STK32B: variants seen among roughly 807,000 people sequenced by gnomAD.
STK32B encodes serine/threonine kinase 32B, also known as serine/threonine-protein kinase 32B.
STK32B carries 43 observed loss-of-function variants against 52.6 expected under a neutral mutation model. The ratio of observed to expected loss-of-function variants is 0.82; its 90% CI spans 0.64 to 1.05. The LOEUF (loss-of-function observed/expected upper bound fraction) is 1.05, where lower values mean the gene tolerates loss of function less well. Among genes scored for constraint, STK32B ranks in the 50% least tolerant of loss-of-function variants. The probability of loss-of-function intolerance (pLI) is 0.00; values close to 1 mark genes in which losing one functional copy is unlikely to be tolerated. For synonymous variants in STK32B, 238 were observed against 204.3 expected (o/e 1.17, Z -1.41); for missense variants, 621 against 534.6 (o/e 1.16, Z -1.59).
In STK32B at chr4:5,069,185, G is replaced by A. The variant is rs1026630915; in HGVS notation, c.52+17270G>A. Reference sequence around the variant, plus strand: ...GTGTTTTAGTTCAAGGTAATGGCAGGTTCTCTTTTTTTTTTTTTTTTTTTT... The same window carrying A: ...GTGTTTTAGTTCAAGGTAATGGCAGATTCTCTTTTTTTTTTTTTTTTTTTT... On this transcript the variant is annotated intron_variant, in intron 1 of 11. Coordinates refer to ENST00000282908, the MANE Select transcript of STK32B (RefSeq NM_018401.3). 3.7e-5 allele frequency among the ~76,000 whole-genome samples: 5 copies of A among 133,726 alleles called. No individual in the cohort carries two copies. The East Asian group carries it at 1.2e-3, about 32-fold the overall frequency. 87.7% of individuals were successfully genotyped at this position (133,726 alleles called of 152,430 possible).
intron 1 of STK32B, among the ~76,000 whole-genome samples, chr4:5,110,261 T>C (rs1714326666): frequency 8.2e-6 from 1 of 121,906 alleles, no homozygotes; most frequent in Non-Finnish European, 1.7e-5. Flanking sequence ...ATCCTAAAAT[T>C]CATATGGAAC....
chr4:5,427,199 G>T (rs1713180016), intron 6 of STK32B, among the ~76,000 whole-genome samples: 1 of 152,138 alleles, frequency 6.6e-6, no homozygotes, highest in African/African-American at 2.4e-5. Flanking sequence ...ACTGCTGACT[G>T]ACTTTGAAAT....
intron 3 of STK32B, among the ~76,000 whole-genome samples, chr4:5,280,508 C>T (rs1728123846): frequency 6.6e-6 from 1 of 152,190 alleles, no homozygotes; most frequent in African/African-American, 2.4e-5. Flanking sequence ...TTTGCAGTTC[C>T]AAACCTGCTT....
At chr4:5,022,917 T>C in the STK32B span, among the ~76,000 whole-genome samples, 1 of 152,174 alleles carries the variant, frequency 6.6e-6, no homozygotes, top group Admixed American at 6.5e-5. Context: ...CTGGAGCCCC[T>C]AACCCATCAC....
intron 3 of STK32B, among the ~76,000 whole-genome samples, chr4:5,202,727 G>C (rs537567760): frequency 6.6e-6 from 1 of 152,310 alleles, no homozygotes; most frequent in East Asian, 1.9e-4. Flanking sequence ...AAAGCTTGGG[G>C]CTGGCACCCT....
At chr4:5,441,479 A>C (rs1453616526) in intron 6 of STK32B, among the ~76,000 whole-genome samples, 1 of 150,536 alleles carries the variant, frequency 6.6e-6, no homozygotes, top group African/African-American at 2.4e-5. Context: ...TATTGCATCT[A>C]TTTGATTCTT....
intron 3 of STK32B, among the ~76,000 whole-genome samples, chr4:5,266,253 T>G (rs543329043): frequency 4.6e-5 from 7 of 152,350 alleles, no homozygotes; most frequent in Admixed American, 3.9e-4. Flanking sequence ...TATTCCGAAC[T>G]GGCTCACAGT....
At chr4:5,353,532 G>A (rs1410655844) in intron 4 of STK32B, among the ~76,000 whole-genome samples, 2 of 145,254 alleles carry the variant, frequency 1.4e-5, no homozygotes, top group Non-Finnish European at 3.0e-5. Flanking sequence ...GAGTATACAA[G>A]GAACTCAACA....
At chr4:5,279,783 C>T (rs1341621872) in intron 3 of STK32B, among the ~76,000 whole-genome samples, 1 of 152,164 alleles carries the variant, frequency 6.6e-6, no homozygotes, top group Non-Finnish European at 1.5e-5. Flanking sequence ...CTCAACACCA[C>T]GTGGAAGCCA....
intron 11 of STK32B, among the ~76,000 whole-genome samples, chr4:5,489,834 C>A (rs1201497954): frequency 2.0e-5 from 3 of 152,018 alleles, no homozygotes; most frequent in Admixed American, 6.6e-5. Flanking sequence ...TTATTGAAAT[C>A]AATCAAAATA....
intron 6 of STK32B, among the ~76,000 whole-genome samples, chr4:5,424,801 C>T (rs1353504966): frequency 6.6e-6 from 1 of 152,074 alleles, no homozygotes; most frequent in Non-Finnish European, 1.5e-5. Context: ...GCCCCCTGCT[C>T]ACCACGTTGT....
At chr4:5,226,198 A>G (rs1348187781) in intron 3 of STK32B, among the ~76,000 whole-genome samples, 1 of 152,204 alleles carries the variant, frequency 6.6e-6, no homozygotes, top group Non-Finnish European at 1.5e-5. Flanking sequence ...TCTGAAGCTA[A>G]TTGCTGACTA....
intron 3 of STK32B, among the ~76,000 whole-genome samples, chr4:5,231,721 T>G (rs1169521248): frequency 6.6e-6 from 1 of 152,086 alleles, no homozygotes; most frequent in Non-Finnish European, 1.5e-5. Flanking sequence ...AAAAAACTGA[T>G]GACCAAGGGC....
intron 3 of STK32B, among the ~76,000 whole-genome samples, chr4:5,168,789 A>G (rs1377458811): frequency 6.6e-6 from 1 of 152,194 alleles, no homozygotes; most frequent in Non-Finnish European, 1.5e-5. Context: ...AGAAAGTCAC[A>G]GCCATACAGC....
At chr4:5,053,980 A>AAAAT (rs558541378) in intron 1 of STK32B, among the ~76,000 whole-genome samples, 2,738 of 147,408 alleles carry the variant, frequency 0.019, 82 homozygotes, top group African/African-American at 0.066. Context: ...GCTCCATCTC[A>AAAAT]AAATAAATAA....
intron 1 of STK32B, among the ~76,000 whole-genome samples, chr4:5,054,766 A>G (rs1348590377): frequency 2.0e-5 from 3 of 152,238 alleles, no homozygotes; most frequent in African/African-American, 7.2e-5. Context: ...CTGCCTGACC[A>G]GAACAAGTCT....
At chr4:5,309,825 C>T (rs966241156) in intron 3 of STK32B, among the ~76,000 whole-genome samples, 2 of 152,056 alleles carry the variant, frequency 1.3e-5, no homozygotes, top group East Asian at 1.9e-4. Context: ...GTCTGAACAA[C>T]GATTTTTATG....
At chr4:5,182,223 C>T (rs1265715314) in intron 3 of STK32B, among the ~76,000 whole-genome samples, 1 of 152,196 alleles carries the variant, frequency 6.6e-6, no homozygotes, top group East Asian at 1.9e-4. Flanking sequence ...TACACCACAT[C>T]TGCAGTAACT....
intron 11 of STK32B, among the ~76,000 whole-genome samples, chr4:5,494,218 A>G (rs7682343): frequency 2.6e-5 from 4 of 151,876 alleles, no homozygotes; most frequent in African/African-American, 9.7e-5. Context: ...GAGTCTAAGT[A>G]TCTTTGTGGG....
Sources: allele counts gnomAD v4.1 joint callset (sites outside exome capture counted in the v4.1 genomes callset), GRCh38; gene constraint gnomAD v4.1.1; transcripts MANE v1.5; gene names NCBI Gene and HGNC (gene_info 2026-07-23, HGNC 2026-07-21).